Variants in CDKN3 observed in about 807,000 individuals in gnomAD.
CDKN3 encodes the protein cyclin dependent kinase inhibitor 3.
A neutral mutation model predicts 36.1 loss-of-function variants in CDKN3; 19 were observed. The observed-to-expected ratio is 0.53, with a 90% CI of 0.37 to 0.77. CDKN3 has a LOEUF of 0.77. Among genes scored for constraint, CDKN3 ranks in the 30% least tolerant of loss-of-function variants. The pLI is 0.00. For missense variants in CDKN3, 188 were observed against 248.6 expected (o/e 0.76, Z 1.64); for synonymous variants, 71 against 85.3 (o/e 0.83, Z 0.92).
chr14:54,407,151 T>C (rs1227633024), intron 3 of CDKN3, among the ~76,000 whole-genome samples: 1 of 152,200 alleles, frequency 6.6e-6, no homozygotes, highest in Admixed American at 6.5e-5. Context: ...CAGACCCTGT[T>C]TTCCTGGGTA....
chr14:54,405,298 G>A (rs1297090090), intron 3 of CDKN3, among the ~76,000 whole-genome samples: 1 of 152,222 alleles, frequency 6.6e-6, no homozygotes, highest in Non-Finnish European at 1.5e-5. Context: ...ATGTGGTGCT[G>A]AGAAGAATGT....
intron 4 of CDKN3, among the ~76,000 whole-genome samples, chr14:54,409,096 C>T (rs4251629): frequency 0.014 from 2,114 of 152,164 alleles, 50 homozygotes; most frequent in African/African-American, 0.049. Context: ...TGACATATTG[C>T]TCCCCCCAGG....
At chr14:54,415,965 CA>C in intron 6 of CDKN3, 35 bp downstream of exon 6, 1 of 1,415,904 alleles carries the variant, frequency 7.1e-7, no homozygotes, top group Non-Finnish European at 1.0e-6. Flanking sequence ...TTTTAACCGC[CA>C]AATAGACAAA....
rs748314014 is a variant in CDKN3, at chr14:54,419,989, C to A, written c.553-3C>A. 6.3e-6 allele frequency: 10 copies of A among 1,577,184 alleles called. No homozygotes were observed. The highest frequency in any genetic ancestry group is 8.7e-6 in the Non-Finnish European group (10 of 1,147,674). ...TATTCCAATGTATCTTTACTTTTTT[C>A]AGCAATACAATTATCTTCATGAGTT... is the stretch of plus-strand genomic sequence containing the variant. On this transcript the variant is annotated splice_region_variant and splice_polypyrimidine_tract_variant and intron_variant, in intron 7 of 7. Coordinates refer to ENST00000335183, the MANE Select transcript of CDKN3 (RefSeq NM_005192.4).
At position 54,397,051 on chromosome 14, in the gene CDKN3, G is replaced by A; in HGVS notation, c.-18G>A. ...TGCAGAGGGAGGCGGCACTGGTCTC[G>A]ACGTGGGGCGGCCAGCGATGAAGCC... On this transcript the variant is annotated 5_prime_UTR_variant, in exon 1 of 8. Coordinates refer to ENST00000335183, the MANE Select transcript of CDKN3 (RefSeq NM_005192.4). The A allele has an allele frequency of 6.7e-7, 1 of 1,498,810 alleles. No individual in the cohort carries two copies. The highest frequency in any genetic ancestry group is 1.7e-4 in the Middle Eastern group (1 of 5,744). 92.8% of individuals were successfully genotyped at this position (1,498,810 alleles called of 1,614,324 possible). A position where few individuals can be genotyped will look rare whatever the true frequency, so the allele number is the denominator to read the frequency against.
intron 2 of CDKN3, among the ~76,000 whole-genome samples, chr14:54,400,581 A>G (rs1484173219): frequency 1.3e-5 from 2 of 152,224 alleles, no homozygotes; most frequent in Non-Finnish European, 2.9e-5. Context: ...ACAATGAGCA[A>G]TCAAATGCTT....
At chr14:54,415,748 T>A in intron 5 of CDKN3, 151 bp from the exon 6 acceptor site, 1 of 687,384 alleles carries the variant, frequency 1.5e-6, no homozygotes, top group Non-Finnish European at 2.6e-6. Flanking sequence ...TTGCTCTCAG[T>A]TGATTAAATC....
rs78429722 is a variant in CDKN3 at position 54,405,774 on chromosome 14, G to C, written c.149-2971G>C. Among the ~76,000 whole-genome samples the C allele has an allele frequency of 2.8e-3, 432 of 152,024 alleles. 4 individuals are homozygous for C. The highest frequency in any genetic ancestry group is 1.0e-2 in the African/African-American group (414 of 41,518). On this transcript the variant is annotated intron_variant, in intron 3 of 7. Coordinates refer to ENST00000335183, the MANE Select transcript of CDKN3 (RefSeq NM_005192.4). ...GGTTTCCTGAATACAGCACACCAATGGGTCTTGACTCTATCCAATTTGCCA... is the reference window on the plus strand; with the variant it reads ...GGTTTCCTGAATACAGCACACCAATCGGTCTTGACTCTATCCAATTTGCCA...
Position 54,420,090 on chromosome 14 carries a change from T to C in CDKN3, c.*12T>C. 4 of 1,415,832 alleles carry C rather than the reference T, an allele frequency of 2.8e-6. No homozygotes were observed. Among genetic ancestry groups the C allele is most frequent in the Non-Finnish European group, 2.0e-6 (2 of 1,000,490 alleles). The allele number at this position is 1,415,832 out of a possible 1,614,324, so 87.7% of individuals were successfully genotyped here. Reference sequence around the variant, plus strand: ...CTGTATCAAGATAAAGGAATTCAAATAGCATATATATGACCATGTCTGAAA... The same window carrying C: ...CTGTATCAAGATAAAGGAATTCAAACAGCATATATATGACCATGTCTGAAA... On this transcript the variant is annotated 3_prime_UTR_variant, in exon 8 of 8. Coordinates refer to ENST00000335183, the MANE Select transcript of CDKN3 (RefSeq NM_005192.4).
intron 7 of CDKN3, among the ~76,000 whole-genome samples, chr14:54,418,799 G>A (rs1407669026): frequency 2.0e-5 from 3 of 152,046 alleles, no homozygotes; most frequent in Admixed American, 6.6e-5. Flanking sequence ...GGTCATTAAC[G>A]GGACAATCCA....
intron 7 of CDKN3, chr14:54,418,557 C>A: frequency 2.8e-6 from 1 of 351,452 alleles, no homozygotes; most frequent in Non-Finnish European, 5.2e-6. Flanking sequence ...GATGTCACTT[C>A]ATTTTGTAGA....
chr14:54,419,431 G>A (rs2030656261), intron 7 of CDKN3, among the ~76,000 whole-genome samples: 1 of 152,164 alleles, frequency 6.6e-6, no homozygotes, highest in Non-Finnish European at 1.5e-5. Context: ...TATCTTTTGG[G>A]AGGCTATTAA....
intron 5 of CDKN3, chr14:54,412,985 T>C: frequency 2.2e-6 from 1 of 449,804 alleles, no homozygotes; most frequent in South Asian, 1.6e-5. Flanking sequence ...ACTTCTCCTC[T>C]TAAACCTATA....
At chr14:54,403,542 G>T (rs1468308124) in intron 3 of CDKN3, among the ~76,000 whole-genome samples, 2 of 152,122 alleles carry the variant, frequency 1.3e-5, no homozygotes, top group African/African-American at 4.8e-5. Context: ...TCTTTCTCTT[G>T]CCTGATTCCC....
chr14:54,408,633 A>G lies in CDKN3; in HGVS notation c.149-112A>G, dbSNP rs2030245024. On this transcript the variant is annotated intron_variant, in intron 3 of 7. Transcript: ENST00000335183. Reference sequence around the variant, plus strand: ...TTCATATTCAAAATATAATTGAAACATATAAATGATTACGTGAAATGACTT... The same window carrying G: ...TTCATATTCAAAATATAATTGAAACGTATAAATGATTACGTGAAATGACTT... 3 of 1,117,136 alleles carry G rather than the reference A, an allele frequency of 2.7e-6. No individual in the cohort carries two copies. The South Asian group carries it at 4.9e-5, about 18-fold the overall frequency. The allele number at this position is 1,117,136 out of a possible 1,614,324, so 69.2% of individuals were successfully genotyped here.
intron 5 of CDKN3, 93 bp downstream of exon 5, chr14:54,411,799 A>T: frequency 1.2e-6 from 1 of 819,108 alleles, no homozygotes; most frequent in Non-Finnish European, 2.1e-6. Flanking sequence ...CACCTACTTC[A>T]TAGTTTGTTG....
chr14:54,405,931 G>A (rs1054110464), intron 3 of CDKN3, among the ~76,000 whole-genome samples: 8 of 152,186 alleles, frequency 5.3e-5, no homozygotes, highest in East Asian at 1.9e-4. Flanking sequence ...TCTTCATAGC[G>A]TTGATGGTCT....
At chr14:54,397,198 C>T in intron 1 of CDKN3, 121 bp downstream of exon 1, 3 of 1,161,048 alleles carry the variant, frequency 2.6e-6, no homozygotes, top group Non-Finnish European at 3.4e-6. Context: ...GCGCCGTAAC[C>T]GTTCTGCGGG....
At chr14:54,412,714 G>C (rs887148035) in intron 5 of CDKN3, 1 of 344,186 alleles carries the variant, frequency 2.9e-6, no homozygotes, top group African/African-American at 2.1e-5. Flanking sequence ...TAAAAAACAA[G>C]AGATGCTCTG....
Sources: gnomAD v4.1 joint callset for allele counts (sites outside exome capture counted in the v4.1 genomes callset) on GRCh38, gnomAD v4.1.1 for gene constraint, MANE v1.5 for transcripts, NCBI Gene and HGNC (gene_info 2026-07-23, HGNC 2026-07-21) for gene names.